The following EYS variants were observed in gnomAD, a reference collection of about 807,000 sequenced individuals.
EYS encodes the protein EGF-like photoreceptor maintenance factor, also known as protein eyes shut homolog.
In EYS, 250 loss-of-function variants were observed where a neutral mutation model predicts 282.1. The ratio of observed to expected loss-of-function variants is 0.89; its 90% CI spans 0.80 to 0.98. EYS has a LOEUF of 0.98. EYS is among the 50% of genes least tolerant of loss of function. EYS has a pLI of 0.00. For synonymous variants in EYS, 1,355 were observed against 1,282.9 expected (o/e 1.06, Z -1.20); for missense variants, 4,016 against 3,709.0 (o/e 1.08, Z -2.15).
Position 65,626,861 on chromosome 6 carries a change from G to A in EYS, c.-333+12917C>T, listed in dbSNP as rs117402957. On this transcript the variant is annotated intron_variant, in intron 2 of 42. Transcript: ENST00000503581. ...TGTATTGTATGGACTCATAAGAACA[G>A]AGAGCCCCTGGCTCAATGGAAATGG... 1.1e-3 allele frequency among the ~76,000 whole-genome samples: 169 copies of A among 150,954 alleles called. 2 individuals carry two copies. In the East Asian group the frequency reaches 0.021, roughly 18 times the overall value.
intron 30 of EYS, among the ~76,000 whole-genome samples, chr6:64,244,030 T>C (rs944431061): frequency 2.6e-5 from 4 of 152,214 alleles, no homozygotes; most frequent in African/African-American, 9.6e-5. Context: ...AGTTTTCATT[T>C]TAATATATAC....
chr6:64,142,920 C>G (rs1019809613), intron 31 of EYS, among the ~76,000 whole-genome samples: 1 of 152,022 alleles, frequency 6.6e-6, no homozygotes, highest in Admixed American at 6.6e-5. Context: ...GGTATTCACT[C>G]CAGTGATCAA....
chr6:64,387,019 G>C (rs988724633), intron 29 of EYS, among the ~76,000 whole-genome samples: 1 of 151,976 alleles, frequency 6.6e-6, no homozygotes, highest in Non-Finnish European at 1.5e-5. Context: ...ATACCATTTT[G>C]CATTTTACAT....
chr6:64,913,699 A>T (rs939690989), intron 15 of EYS, among the ~76,000 whole-genome samples: 2 of 152,162 alleles, frequency 1.3e-5, no homozygotes, highest in Admixed American at 6.6e-5. Context: ...GCTCTTGTGA[A>T]TAGCACTATG....
chr6:65,432,868 C>T (rs1308335660), intron 5 of EYS, among the ~76,000 whole-genome samples: 1 of 151,748 alleles, frequency 6.6e-6, no homozygotes, highest in African/African-American at 2.4e-5. Flanking sequence ...ACAAACTTTT[C>T]TGAGGGATTA....
chr6:63,955,061 C>G (rs1043190412), intron 35 of EYS, among the ~76,000 whole-genome samples: 2 of 152,162 alleles, frequency 1.3e-5, no homozygotes, highest in Non-Finnish European at 2.9e-5. Flanking sequence ...AGTCAGAAAA[C>G]TAAAATATCT....
intron 31 of EYS, among the ~76,000 whole-genome samples, chr6:64,116,960 A>G (rs1044841649): frequency 6.6e-6 from 1 of 152,090 alleles, no homozygotes; most frequent in African/African-American, 2.4e-5. Flanking sequence ...CAGTAATATA[A>G]AAATAATAGA....
At position 63,720,283 on chromosome 6, in the gene EYS, G is replaced by A. The variant is rs1325809168; in HGVS notation, c.*313C>T. 8.3e-6 allele frequency: 3 copies of A among 361,152 alleles called. No individual in the cohort carries two copies. The East Asian group carries it at 1.2e-4, about 14-fold the overall frequency. The allele number at this position is 361,152 out of a possible 1,614,324, so 22.4% of individuals were successfully genotyped here. A position where few individuals can be genotyped will look rare whatever the true frequency, so the allele number is the denominator to read the frequency against. On this transcript the variant is annotated 3_prime_UTR_variant, in exon 43 of 43. Coordinates refer to ENST00000503581, the MANE Select transcript of EYS (RefSeq NM_001142800.2). Reference sequence around the variant, plus strand: ...TTGATTTTTAAAATTGTGTTTACACGTTGATTTTAAAATGTAAGCATTAGG... The same window carrying A: ...TTGATTTTTAAAATTGTGTTTACACATTGATTTTAAAATGTAAGCATTAGG...
intron 12 of EYS, among the ~76,000 whole-genome samples, chr6:65,250,257 T>C (rs1347587712): frequency 6.6e-6 from 1 of 152,060 alleles, no homozygotes; most frequent in Non-Finnish European, 1.5e-5. Context: ...GAGAGTGTTC[T>C]GGAAAATCCA....
At chr6:65,144,944 T>C (rs554857859) in intron 12 of EYS, among the ~76,000 whole-genome samples, 1 of 151,924 alleles carries the variant, frequency 6.6e-6, no homozygotes, top group Non-Finnish European at 1.5e-5. Flanking sequence ...TTGTTTTTTG[T>C]ATTTTTAGTA....
At chr6:64,101,205 A>ATT (rs34888718) in intron 31 of EYS, among the ~76,000 whole-genome samples, 34 of 148,798 alleles carry the variant, frequency 2.3e-4, no homozygotes, top group Middle Eastern at 3.4e-3. Context: ...ATTTTAATAG[A>ATT]TTTTTTTTTT....
At chr6:64,157,901 T>A (rs116212426) in intron 31 of EYS, among the ~76,000 whole-genome samples, 4,687 of 152,192 alleles carry the variant, frequency 0.031, 236 homozygotes, top group African/African-American at 0.11. Context: ...GGCACCACCT[T>A]ATGGACCTGT....
intron 5 of EYS, among the ~76,000 whole-genome samples, chr6:65,443,517 G>A (rs893535088): frequency 1.3e-5 from 2 of 151,336 alleles, no homozygotes; most frequent in Admixed American, 1.3e-4. Flanking sequence ...ATAGACACAT[G>A]TATGTATATA....
chr6:65,606,205 A>G (rs1765785365), intron 2 of EYS, among the ~76,000 whole-genome samples: 1 of 149,732 alleles, frequency 6.7e-6, no homozygotes, highest in African/African-American at 2.5e-5. Flanking sequence ...ACCAGTATTC[A>G]AAAATAGTTT....
At chr6:65,516,859 C>T (rs1767155039) in intron 2 of EYS, among the ~76,000 whole-genome samples, 1 of 152,056 alleles carries the variant, frequency 6.6e-6, no homozygotes, top group Non-Finnish European at 1.5e-5. Context: ...AAATTAGATT[C>T]TACTCTAGAT....
chr6:64,700,252 A>C (rs1770733240), intron 22 of EYS, among the ~76,000 whole-genome samples: 1 of 152,012 alleles, frequency 6.6e-6, no homozygotes, highest in Admixed American at 6.6e-5. Context: ...TAAAAGCCAT[A>C]TAAGGCAAAC....
chr6:63,770,572 T>A (rs1373709576), intron 40 of EYS, among the ~76,000 whole-genome samples: 1 of 152,160 alleles, frequency 6.6e-6, no homozygotes, highest in Admixed American at 6.6e-5. Flanking sequence ...TATAACTTAT[T>A]TCTCTGCTCT....
chr6:65,416,622 A>G (rs1386694239), intron 5 of EYS, among the ~76,000 whole-genome samples: 1 of 152,028 alleles, frequency 6.6e-6, no homozygotes, highest in Non-Finnish European at 1.5e-5. Context: ...ATTTTAGACC[A>G]TTATGTTTTA....
At chr6:65,336,490 C>T (rs1430129005) in intron 10 of EYS, among the ~76,000 whole-genome samples, 1 of 151,410 alleles carries the variant, frequency 6.6e-6, no homozygotes, top group Non-Finnish European at 1.5e-5. Context: ...ACATTTATTA[C>T]ACAATTTTTT....
Sources: gnomAD v4.1 joint callset for allele counts (sites outside exome capture counted in the v4.1 genomes callset) on GRCh38, gnomAD v4.1.1 for gene constraint, MANE v1.5 for transcripts, NCBI Gene and HGNC (gene_info 2026-07-23, HGNC 2026-07-21) for gene names.